The following SPIN1 variants were observed in gnomAD, a reference collection of about 807,000 sequenced individuals.
SPIN1 encodes spindlin-1.
Under a neutral mutation model 26.0 loss-of-function variants are expected in SPIN1, and 3 were observed. The ratio of observed to expected loss-of-function variants is 0.12; its 90% CI spans 0.05 to 0.30. SPIN1 has a LOEUF of 0.30. SPIN1 is among the 10% of genes least tolerant of loss of function. SPIN1 has a pLI of 1.00. For synonymous variants in SPIN1, 101 were observed against 116.5 expected, an observed-to-expected ratio of 0.87 and a Z score of 0.86; for missense variants, 126 against 333.4, an observed-to-expected ratio of 0.38 and a Z score of 4.84.
chr9:88,422,156 CTT>C (rs1231185906), intron 1 of SPIN1, among the ~76,000 whole-genome samples: 1 of 152,098 alleles, frequency 6.6e-6, no homozygotes, highest in Non-Finnish European at 1.5e-5. Flanking sequence ...CTCCAGCAAC[CTT>C]TCTCTTGATA....
chr9:88,441,414 T>TGTGTGTGTGTGTGCGCGCGCGC, intron 2 of SPIN1, among the ~76,000 whole-genome samples: 3 of 141,204 alleles, frequency 2.1e-5, no homozygotes, highest in African/African-American at 8.7e-5. Flanking sequence ...TGTGTGTGTG[T>TGTGTGTGTGTGTGCGCGCGCGC]GCGCGCGCGC....
intron 1 of SPIN1, among the ~76,000 whole-genome samples, chr9:88,392,323 G>T (rs1826941299): frequency 6.6e-6 from 1 of 152,140 alleles, no homozygotes; most frequent in South Asian, 2.1e-4. Flanking sequence ...AACAAGTCGT[G>T]TTTGGCTAAA....
chr9:88,388,899 C>G (rs1271308834), intron 1 of SPIN1, among the ~76,000 whole-genome samples: 1 of 150,090 alleles, frequency 6.7e-6, no homozygotes, highest in Non-Finnish European at 1.5e-5. Flanking sequence ...GGGAGGCCGG[C>G]GGGCAGGGGG....
chr9:88,461,411 G>A (rs1174782303), intron 3 of SPIN1, among the ~76,000 whole-genome samples: 3 of 152,162 alleles, frequency 2.0e-5, no homozygotes, highest in African/African-American at 7.2e-5. Context: ...CCCTTCTGCG[G>A]CGAGTACTCC....
chr9:88,472,482 G>T (rs116495322), intron 5 of SPIN1, among the ~76,000 whole-genome samples: 2,931 of 151,914 alleles, frequency 0.019, 71 homozygotes, highest in African/African-American at 0.063. Context: ...GAGCCGCCGC[G>T]CCTGGCCACT....
At chr9:88,409,128 T>A (rs11142287) in intron 1 of SPIN1, among the ~76,000 whole-genome samples, 29,061 of 151,670 alleles carry the variant, frequency 0.19, 3,663 homozygotes, top group African/African-American at 0.36. Context: ...CGGGAGTAGC[T>A]GGGATTACAG....
At chr9:88,464,473 A>C (rs1828622435) in intron 4 of SPIN1, among the ~76,000 whole-genome samples, 1 of 152,230 alleles carries the variant, frequency 6.6e-6, no homozygotes, top group South Asian at 2.1e-4. Context: ...ATGTGATGTC[A>C]CAGAGCAGTG....
chr9:88,444,991 C>A (rs1828216988), intron 2 of SPIN1, among the ~76,000 whole-genome samples: 1 of 152,156 alleles, frequency 6.6e-6, no homozygotes, highest in African/African-American at 2.4e-5. Context: ...ACGCGCCCAG[C>A]CCCTTTTCTT....
chr9:88,395,661 T>A (rs1304428675), intron 1 of SPIN1, among the ~76,000 whole-genome samples: 1 of 152,014 alleles, frequency 6.6e-6, no homozygotes, highest in Non-Finnish European at 1.5e-5. Flanking sequence ...TTGCCCAGGA[T>A]GATCTTGAAC....
chr9:88,404,120 A>G (rs796397906), intron 1 of SPIN1, among the ~76,000 whole-genome samples: 3 of 152,330 alleles, frequency 2.0e-5, no homozygotes, highest in Non-Finnish European at 2.9e-5. Context: ...GAGAAAGTAC[A>G]GTGAAAACCT....
At chr9:88,446,541 G>A (rs1333148491) in intron 2 of SPIN1, among the ~76,000 whole-genome samples, 1 of 151,686 alleles carries the variant, frequency 6.6e-6, no homozygotes, top group African/African-American at 2.4e-5. Context: ...CGAGTAGCTG[G>A]GATTACAGGT....
intron 5 of SPIN1, among the ~76,000 whole-genome samples, chr9:88,472,618 G>A (rs1016417763): frequency 1.3e-5 from 2 of 151,988 alleles, no homozygotes; most frequent in African/African-American, 4.8e-5. Context: ...TCAGCCTCCC[G>A]AGTAGCTGGG....
In SPIN1 at chr9:88,447,906, C is replaced by T. The variant is rs566968516; in HGVS notation, c.53-1035C>T. 1.1e-4 allele frequency among the ~76,000 whole-genome samples: 16 copies of T among 152,324 alleles called. 1 individual carries two copies. In the South Asian group the frequency reaches 3.1e-3, roughly 30 times the overall value. Reference sequence around the variant, plus strand: ...GTGTTTTCTGCTCCCAGGTCCCACACACCTGTGCTGCCTATCAGCCAGCAT... The same window carrying T: ...GTGTTTTCTGCTCCCAGGTCCCACATACCTGTGCTGCCTATCAGCCAGCAT... On this transcript the variant is annotated intron_variant, in intron 2 of 5. Coordinates refer to ENST00000375859, the MANE Select transcript of SPIN1 (RefSeq NM_006717.3).
At chr9:88,396,570 C>G (rs1359198034) in intron 1 of SPIN1, among the ~76,000 whole-genome samples, 1 of 152,084 alleles carries the variant, frequency 6.6e-6, no homozygotes, top group Admixed American at 6.6e-5. Flanking sequence ...CCCCTGCACT[C>G]CAGACTGGGC....
chr9:88,420,120 A>G (rs1308778102), intron 1 of SPIN1, among the ~76,000 whole-genome samples: 1 of 152,250 alleles, frequency 6.6e-6, no homozygotes, highest in Non-Finnish European at 1.5e-5. Context: ...TCATGCCTGT[A>G]ATCCCAGCAC....
intron 2 of SPIN1, among the ~76,000 whole-genome samples, chr9:88,440,976 A>G (rs567250498): frequency 1.3e-5 from 2 of 151,614 alleles, no homozygotes; most frequent in South Asian, 2.1e-4. Flanking sequence ...AAATAATAAT[A>G]TATTGCTTTA....
At chr9:88,425,552 C>G (rs1401005833) in intron 1 of SPIN1, among the ~76,000 whole-genome samples, 2 of 151,918 alleles carry the variant, frequency 1.3e-5, no homozygotes, top group Non-Finnish European at 2.9e-5. Context: ...GTGGCGCACA[C>G]CTGTAGTTCC....
intron 1 of SPIN1, among the ~76,000 whole-genome samples, chr9:88,421,200 A>G (rs1827660507): frequency 6.6e-6 from 1 of 152,234 alleles, no homozygotes; most frequent in African/African-American, 2.4e-5. Flanking sequence ...AGGCATAACC[A>G]CAATGTCTTT....
chr9:88,412,903 C>T (rs1265860238), intron 1 of SPIN1, among the ~76,000 whole-genome samples: 10 of 151,946 alleles, frequency 6.6e-5, no homozygotes, highest in South Asian at 2.1e-4. Flanking sequence ...AGGCTGGTCT[C>T]GAACTCCTAA....
Sources: allele counts gnomAD v4.1 joint callset (sites outside exome capture counted in the v4.1 genomes callset), GRCh38; gene constraint gnomAD v4.1.1; transcripts MANE v1.5; gene names NCBI Gene and HGNC (gene_info 2026-07-23, HGNC 2026-07-21).